TRDN: variants seen among roughly 807,000 people sequenced by gnomAD.
TRDN encodes the protein triadin, also known as triadin in skeletal muscle.
A neutral mutation model predicts 149.7 loss-of-function variants in TRDN; 161 were observed. That is an observed-to-expected ratio of 1.08 (90% CI 0.95 to 1.23). The LOEUF (loss-of-function observed/expected upper bound fraction) is 1.23, where lower values mean the gene tolerates loss of function less well. Among genes scored for constraint, TRDN ranks in the 50% most tolerant of loss-of-function variants. TRDN has a pLI of 0.00. For synonymous variants in TRDN, 294 were observed against 250.5 expected (o/e 1.17, Z -1.64); for missense variants, 896 against 823.5 (o/e 1.09, Z -1.08).
At chr6:123,244,892 A>C (rs528367887) in intron 38 of TRDN, among the ~76,000 whole-genome samples, 1 of 152,334 alleles carries the variant, frequency 6.6e-6, no homozygotes, top group South Asian at 2.1e-4. Context: ...CTAACAGCAG[A>C]TCTCTCTGCA....
chr6:123,326,322 A>G (rs1286483002), intron 23 of TRDN, among the ~76,000 whole-genome samples: 1 of 151,964 alleles, frequency 6.6e-6, no homozygotes, highest in Non-Finnish European at 1.5e-5. Flanking sequence ...AAATACCTCA[A>G]ATTCAGCATG....
chr6:123,442,545 C>CAAAAA (rs1434202710), intron 10 of TRDN, among the ~76,000 whole-genome samples: 2 of 36,428 alleles, frequency 5.5e-5, no homozygotes, highest in African/African-American at 1.0e-4. Context: ...GACTCCGTCT[C>CAAAAA]AAAAAAAAAA....
intron 1 of TRDN, among the ~76,000 whole-genome samples, chr6:123,599,290 T>C (rs1353614002): frequency 6.6e-6 from 1 of 152,010 alleles, no homozygotes; most frequent in Non-Finnish European, 1.5e-5. Context: ...GATATGATCA[T>C]TGGGGTTATA....
intron 19 of TRDN, among the ~76,000 whole-genome samples, chr6:123,369,267 T>C (rs1205581813): frequency 6.6e-6 from 1 of 152,178 alleles, no homozygotes; most frequent in Non-Finnish European, 1.5e-5. Context: ...GTCATCAGAT[T>C]GAGGGCCCAC....
At chr6:123,537,316 T>C (rs1156375097) in intron 4 of TRDN, among the ~76,000 whole-genome samples, 1 of 152,196 alleles carries the variant, frequency 6.6e-6, no homozygotes, top group Non-Finnish European at 1.5e-5. Flanking sequence ...TCTATATTTA[T>C]GGTATTCTAC....
intron 14 of TRDN, among the ~76,000 whole-genome samples, chr6:123,383,082 C>CTGT (rs1781779638): frequency 6.6e-6 from 1 of 151,976 alleles, no homozygotes; most frequent in Non-Finnish European, 1.5e-5. Flanking sequence ...GGCTTGGAAC[C>CTGT]TAGAACAGTA....
intron 9 of TRDN, among the ~76,000 whole-genome samples, chr6:123,493,837 C>T (rs747530286): frequency 1.3e-5 from 2 of 152,128 alleles, no homozygotes; most frequent in Non-Finnish European, 2.9e-5. Context: ...CAGATTAAAT[C>T]TGTGTTTCTC....
intron 1 of TRDN, among the ~76,000 whole-genome samples, chr6:123,616,830 A>G (rs1785112865): frequency 6.6e-6 from 1 of 152,152 alleles, no homozygotes; most frequent in Admixed American, 6.6e-5. Flanking sequence ...CTTGTATCCC[A>G]CATTCTGATC....
intron 10 of TRDN, among the ~76,000 whole-genome samples, chr6:123,450,871 T>C (rs1418135186): frequency 6.6e-6 from 1 of 152,034 alleles, no homozygotes; most frequent in Non-Finnish European, 1.5e-5. Context: ...CCTCAATAAA[T>C]TTAAGAAAAC....
chr6:123,237,661 C>T (rs1448385908), intron 38 of TRDN, among the ~76,000 whole-genome samples: 1 of 152,052 alleles, frequency 6.6e-6, no homozygotes, highest in Non-Finnish European at 1.5e-5. Flanking sequence ...TTTTCCTTTC[C>T]AAATGTGTTA....
intron 8 of TRDN, chr6:123,498,701 A>C (rs1778551951): frequency 2.2e-6 from 1 of 446,332 alleles, no homozygotes; most frequent in South Asian, 1.6e-5. Flanking sequence ...TTTTCTAGAC[A>C]TGAGATTGTT....
intron 12 of TRDN, among the ~76,000 whole-genome samples, chr6:123,414,456 T>C (rs538677410): frequency 4.5e-4 from 68 of 152,274 alleles, no homozygotes; most frequent in South Asian, 3.5e-3. Context: ...TAGTAAGCAG[T>C]TGACATTGTC....
At chr6:123,611,836 C>G (rs1028342372) in intron 1 of TRDN, among the ~76,000 whole-genome samples, 3 of 152,136 alleles carry the variant, frequency 2.0e-5, no homozygotes, top group Non-Finnish European at 2.9e-5. Context: ...ATTTTTGGAT[C>G]AGTCAGAACC....
At chr6:123,496,304 T>A (rs1225934516) in intron 9 of TRDN, among the ~76,000 whole-genome samples, 1 of 151,432 alleles carries the variant, frequency 6.6e-6, no homozygotes, top group Non-Finnish European at 1.5e-5. Flanking sequence ...AGCCTAGATG[T>A]GTTACCTATT....
chr6:123,588,045 C>T (rs1168018833), intron 1 of TRDN, among the ~76,000 whole-genome samples: 2 of 152,044 alleles, frequency 1.3e-5, no homozygotes, highest in African/African-American at 4.8e-5. Flanking sequence ...GTGAAGCCTT[C>T]AGGTAGCAGG....
intron 38 of TRDN, among the ~76,000 whole-genome samples, chr6:123,238,948 C>T (rs2114539173): frequency 6.6e-6 from 1 of 152,308 alleles, no homozygotes; most frequent in East Asian, 1.9e-4. Flanking sequence ...TCAAGCGATT[C>T]TCCTGCCTCA....
At chr6:123,495,376 G>A (rs537991032) in intron 9 of TRDN, among the ~76,000 whole-genome samples, 24 of 151,634 alleles carry the variant, frequency 1.6e-4, no homozygotes, top group Non-Finnish European at 2.4e-4. Context: ...AAAATTAGCC[G>A]AGTATGTTGG....
intron 21 of TRDN, among the ~76,000 whole-genome samples, chr6:123,338,303 G>A (rs1582890442): frequency 6.6e-6 from 1 of 152,212 alleles, no homozygotes; most frequent in East Asian, 1.9e-4. Context: ...AGAGAGAATG[G>A]GAGGCCTGGA....
intron 1 of TRDN, among the ~76,000 whole-genome samples, chr6:123,590,527 G>C (rs1460904801): frequency 1.3e-5 from 2 of 152,148 alleles, no homozygotes; most frequent in Admixed American, 1.3e-4. Flanking sequence ...CACTTTGGGA[G>C]GCCGAGGCAG....
Sources: gnomAD v4.1 joint callset for allele counts (sites outside exome capture counted in the v4.1 genomes callset) on GRCh38, gnomAD v4.1.1 for gene constraint, MANE v1.5 for transcripts, NCBI Gene and HGNC (gene_info 2026-07-23, HGNC 2026-07-21) for gene names.